The following ZNF804B variants were observed in gnomAD, a reference collection of about 807,000 sequenced individuals.
ZNF804B encodes zinc finger 804B.
ZNF804B carries 80 observed loss-of-function variants against 101.4 expected under a neutral mutation model. The ratio of observed to expected loss-of-function variants is 0.79; its 90% CI spans 0.66 to 0.95. The LOEUF (loss-of-function observed/expected upper bound fraction) is 0.95, where lower values mean the gene tolerates loss of function less well. Ranked by LOEUF, ZNF804B falls within the 40% of genes least tolerant of loss-of-function variation. The pLI is 0.00. For missense variants in ZNF804B, 1,673 were observed against 1,561.9 expected, an observed-to-expected ratio of 1.07 and a Z score of -1.20; for synonymous variants, 622 against 558.8, an observed-to-expected ratio of 1.11 and a Z score of -1.59.
intron 1 of ZNF804B, among the ~76,000 whole-genome samples, chr7:88,987,400 T>G (rs1165222341): frequency 1.3e-5 from 2 of 152,142 alleles, no homozygotes; most frequent in African/African-American, 4.8e-5. Context: ...ATAATAAACA[T>G]TGAAGTCTGG....
In ZNF804B at chr7:89,034,412, C is replaced by G. The variant is rs542976463; in HGVS notation, c.109-183743C>G. 1.4e-4 allele frequency among the ~76,000 whole-genome samples: 22 copies of G among 152,152 alleles called. 1 individual carries two copies. Among genetic ancestry groups the G allele is most frequent in the Middle Eastern group, 3.4e-3 (1 of 294 alleles). ...CTATCCCTCCCCTAGCCCCCTACCC[C>G]CCGCCAGGCCCTGGTGTGTGATGTT... is the stretch of plus-strand genomic sequence containing the variant. On this transcript the variant is annotated intron_variant, in intron 1 of 3. Transcript: ENST00000333190.
At position 89,333,550 on chromosome 7, in the gene ZNF804B, C is replaced by G; in HGVS notation, c.568C>G (p.Gln190Glu). 1.2e-6 allele frequency: 2 copies of G among 1,613,482 alleles called. No homozygotes were observed. Among genetic ancestry groups the G allele is most frequent in the Non-Finnish European group, 1.7e-6 (2 of 1,179,652 alleles). Residue 190 changes from glutamine (Q) to glutamate (E), a missense_variant, in exon 4 of 4, where the codon CAA becomes GAA. Transcript: ENST00000333190. ...KQRSTMPNRH[Q>E]LQSDRRCLFG... Reference sequence around the variant, plus strand: ...GCGGTCCACCATGCCAAATCGACACCAATTACAATCAGACAGGCGTTGTTT... The same window carrying G: ...GCGGTCCACCATGCCAAATCGACACGAATTACAATCAGACAGGCGTTGTTT...
chr7:88,845,293 A>ACG (rs143617719), intron 1 of ZNF804B, among the ~76,000 whole-genome samples: 38 of 131,628 alleles, frequency 2.9e-4, no homozygotes, highest in South Asian at 1.2e-3. Context: ...GCGCGCGCGC[A>ACG]CGCGCGCGCA....
At chr7:89,250,613 C>T (rs1426545241) in intron 2 of ZNF804B, among the ~76,000 whole-genome samples, 1 of 152,078 alleles carries the variant, frequency 6.6e-6, no homozygotes, top group Non-Finnish European at 1.5e-5. Flanking sequence ...CCCCCGATAC[C>T]AAAACTTGGC....
intron 1 of ZNF804B, among the ~76,000 whole-genome samples, chr7:88,958,817 T>G (rs1339180908): frequency 6.6e-6 from 1 of 151,400 alleles, no homozygotes; most frequent in Admixed American, 6.6e-5. Flanking sequence ...CTAATGATAG[T>G]GTTGGGAGGA....
intron 2 of ZNF804B, among the ~76,000 whole-genome samples, chr7:89,258,366 T>TA (rs779663957): frequency 8.5e-5 from 13 of 152,162 alleles, no homozygotes; most frequent in Non-Finnish European, 1.5e-4. Flanking sequence ...CCTGCTCTGC[T>TA]AGTCTAATGA....
intron 3 of ZNF804B, among the ~76,000 whole-genome samples, chr7:89,330,597 C>G (rs1419573098): frequency 6.6e-6 from 1 of 150,868 alleles, no homozygotes; most frequent in East Asian, 1.9e-4. Flanking sequence ...ACAGGATTTT[C>G]CAAAATAATA....
At chr7:88,773,270 G>T (rs374495690) in intron 1 of ZNF804B, among the ~76,000 whole-genome samples, 17 of 152,282 alleles carry the variant, frequency 1.1e-4, no homozygotes, top group East Asian at 7.7e-4. Flanking sequence ...TAGGAGGGGA[G>T]GCCCACTTTA....
intron 1 of ZNF804B, among the ~76,000 whole-genome samples, chr7:88,943,987 T>G (rs1480774447): frequency 6.6e-6 from 1 of 151,878 alleles, no homozygotes; most frequent in Non-Finnish European, 1.5e-5. Context: ...GTATAAAAAT[T>G]TATCCATTTA....
chr7:89,326,397 C>T (rs79469737), intron 2 of ZNF804B, among the ~76,000 whole-genome samples: 3,369 of 152,128 alleles, frequency 0.022, 114 homozygotes, highest in African/African-American at 0.077. Flanking sequence ...GAGTAACAGT[C>T]GGCTCCAGTA....
At chr7:89,083,085 A>T (rs1003439598) in intron 1 of ZNF804B, among the ~76,000 whole-genome samples, 1 of 151,798 alleles carries the variant, frequency 6.6e-6, no homozygotes, top group African/African-American at 2.4e-5. Flanking sequence ...GAAGTTTTGT[A>T]AATGCCTTTT....
intron 1 of ZNF804B, among the ~76,000 whole-genome samples, chr7:89,010,902 A>G (rs1788450340): frequency 6.6e-6 from 1 of 152,188 alleles, no homozygotes; most frequent in African/African-American, 2.4e-5. Context: ...AAAGTCCACA[A>G]TGTTCTGTTG....
intron 1 of ZNF804B, among the ~76,000 whole-genome samples, chr7:88,941,493 T>G (rs1365242460): frequency 6.6e-6 from 1 of 151,924 alleles, no homozygotes; most frequent in African/African-American, 2.4e-5. Context: ...TATTACTAAA[T>G]AAAAGAAGCC....
intron 1 of ZNF804B, among the ~76,000 whole-genome samples, chr7:88,992,100 A>G (rs955300374): frequency 6.6e-6 from 1 of 152,126 alleles, no homozygotes; most frequent in African/African-American, 2.4e-5. Context: ...GATGACAGTG[A>G]TGAGGAAAAG....
At chr7:89,004,427 T>A (rs1022834750) in intron 1 of ZNF804B, among the ~76,000 whole-genome samples, 6 of 151,974 alleles carry the variant, frequency 3.9e-5, no homozygotes, top group Non-Finnish European at 8.8e-5. Flanking sequence ...ACACAGGGAA[T>A]GTGACTTTAT....
intron 1 of ZNF804B, among the ~76,000 whole-genome samples, chr7:88,931,359 G>A (rs186577958): frequency 6.6e-6 from 1 of 151,910 alleles, no homozygotes; most frequent in Non-Finnish European, 1.5e-5. Flanking sequence ...CTGTAAAATT[G>A]GGATTGCTGT....
intron 1 of ZNF804B, among the ~76,000 whole-genome samples, chr7:88,860,532 T>C (rs984669854): frequency 2.6e-5 from 4 of 152,130 alleles, no homozygotes; most frequent in Non-Finnish European, 4.4e-5. Flanking sequence ...ATCTCTTTAA[T>C]TGGATCAAAG....
At chr7:89,224,806 A>G (rs1789061634) in intron 2 of ZNF804B, among the ~76,000 whole-genome samples, 1 of 151,472 alleles carries the variant, frequency 6.6e-6, no homozygotes, top group Non-Finnish European at 1.5e-5. Context: ...TGCAACCTTT[A>G]TTAGCAGAGA....
At chr7:88,807,408 C>T (rs553429116) in intron 1 of ZNF804B, among the ~76,000 whole-genome samples, 5 of 152,200 alleles carry the variant, frequency 3.3e-5, no homozygotes, top group African/African-American at 1.2e-4. Flanking sequence ...TAAAATTCAA[C>T]CACACCATAC....
Sources: gnomAD v4.1 joint callset for allele counts (sites outside exome capture counted in the v4.1 genomes callset) on GRCh38, gnomAD v4.1.1 for gene constraint, MANE v1.5 for transcripts, NCBI Gene and HGNC (gene_info 2026-07-23, HGNC 2026-07-21) for gene names.